Variants in CCDC91 observed in about 807,000 individuals in gnomAD.
CCDC91 encodes the protein coiled-coil domain containing 91, also known as coiled-coil domain-containing protein 91.
In CCDC91, 48 loss-of-function variants were observed where a neutral mutation model predicts 63.2. The ratio of observed to expected loss-of-function variants is 0.76; its 90% CI spans 0.60 to 0.97. CCDC91 has a LOEUF of 0.97. CCDC91 is among the 50% of genes least tolerant of loss of function. The pLI, the probability that CCDC91 is intolerant of heterozygous loss-of-function variation, is 0.00. For synonymous variants in CCDC91, 167 were observed against 165.8 expected (o/e 1.01, Z -0.06); for missense variants, 500 against 494.6 (o/e 1.01, Z -0.10).
intron 10 of CCDC91, among the ~76,000 whole-genome samples, chr12:28,452,028 AT>A (rs1269923599): frequency 7.3e-6 from 1 of 137,792 alleles, no homozygotes; most frequent in Non-Finnish European, 1.6e-5. Context: ...TCCTTTTTTA[AT>A]TTTAGAAAGT....
chr12:28,372,505 A>T lies in CCDC91; in HGVS notation c.654+9990A>T, dbSNP rs919439929. Among the ~76,000 whole-genome samples the T allele has an allele frequency of 2.0e-4, 31 of 151,826 alleles. 1 individual carries two copies. The highest frequency in any genetic ancestry group is 3.5e-4 in the Non-Finnish European group (24 of 67,934). ...GTTTGTGTCATTAATGCTTTTTTTT[A>T]AAATTTTTTAGCAGTGTTTTGTAGT... On this transcript the variant is annotated intron_variant, in intron 7 of 12. Transcript: ENST00000536442.
intron 1 of CCDC91, among the ~76,000 whole-genome samples, chr12:28,192,722 A>G (rs1941366176): frequency 6.6e-6 from 1 of 152,190 alleles, no homozygotes; most frequent in African/African-American, 2.4e-5. Context: ...ATTTAAACTG[A>G]TGCATATTTT....
intron 11 of CCDC91, among the ~76,000 whole-genome samples, chr12:28,464,028 G>A (rs530217535): frequency 6.6e-6 from 1 of 152,062 alleles, no homozygotes; most frequent in African/African-American, 2.4e-5. Flanking sequence ...GTGTCTCTCT[G>A]CCCTGGGGAG....
At chr12:28,419,849 T>C (rs1013894618) in intron 8 of CCDC91, among the ~76,000 whole-genome samples, 7 of 151,962 alleles carry the variant, frequency 4.6e-5, no homozygotes, top group Non-Finnish European at 1.0e-4. Flanking sequence ...CTTAACCTGC[T>C]TGGCTCAAGC....
chr12:28,321,597 T>C (rs1488237255), intron 6 of CCDC91, among the ~76,000 whole-genome samples: 1 of 151,770 alleles, frequency 6.6e-6, no homozygotes, highest in Non-Finnish European at 1.5e-5. Flanking sequence ...ATTAGTACAC[T>C]TATAATAATA....
rs563112449 is a variant in CCDC91 at position 28,342,259 on chromosome 12, T to C, written c.577-20179T>C. ...CTCCAGATAGAAAGGCAGTCCTCCC[T>C]ACCAGCATCTTCATTTTAACCCAGT... On this transcript the variant is annotated intron_variant, in intron 6 of 12. Coordinates refer to ENST00000536442, the MANE Select transcript of CCDC91 (RefSeq NM_018318.5). Among the ~76,000 whole-genome samples, 157 of 152,314 alleles carry C rather than the reference T, an allele frequency of 1.0e-3. 1 individual carries two copies. The highest frequency in any genetic ancestry group is 3.4e-3 in the African/African-American group (142 of 41,578).
chr12:28,427,850 T>G (rs1948411057), intron 8 of CCDC91, among the ~76,000 whole-genome samples: 1 of 152,216 alleles, frequency 6.6e-6, no homozygotes, highest in Non-Finnish European at 1.5e-5. Context: ...TCTAAATATA[T>G]GTTTTCATTA....
intron 3 of CCDC91, among the ~76,000 whole-genome samples, chr12:28,271,264 C>G (rs939498891): frequency 3.3e-5 from 5 of 152,070 alleles, no homozygotes; most frequent in Non-Finnish European, 5.9e-5. Context: ...AATGTAGATA[C>G]ACTGTCAATT....
intron 1 of CCDC91, among the ~76,000 whole-genome samples, chr12:28,203,779 G>A (rs1306403739): frequency 6.6e-6 from 1 of 152,144 alleles, no homozygotes; most frequent in Non-Finnish European, 1.5e-5. Context: ...TAGCCATTAT[G>A]TAATTTTGTT....
intron 12 of CCDC91, among the ~76,000 whole-genome samples, chr12:28,532,991 G>T (rs1413162459): frequency 6.6e-6 from 1 of 152,012 alleles, no homozygotes; most frequent in Admixed American, 6.6e-5. Context: ...AAAACTTACG[G>T]GTTAGTAGCA....
chr12:28,286,576 G>A lies in CCDC91; in HGVS notation c.110-19073G>A, dbSNP rs150218052. ...TTATGGCTGCATAGTATTCCATGGT[G>A]TACATATAACACATTTTTAAAATCC... On this transcript the variant is annotated intron_variant, in intron 3 of 12. Transcript: ENST00000536442. Among the ~76,000 whole-genome samples, 48 of 152,276 alleles carry A rather than the reference G, an allele frequency of 3.2e-4. 1 individual carries two copies. The highest frequency in any genetic ancestry group is 7.2e-5 in the African/African-American group (3 of 41,550).
intron 1 of CCDC91, among the ~76,000 whole-genome samples, chr12:28,222,774 C>T (rs1944031293): frequency 6.6e-6 from 1 of 152,002 alleles, no homozygotes; most frequent in Non-Finnish European, 1.5e-5. Flanking sequence ...GCTTTTCATC[C>T]TTGGCATTAT....
chr12:28,363,361 T>C (rs1944027802), intron 7 of CCDC91, among the ~76,000 whole-genome samples: 1 of 152,214 alleles, frequency 6.6e-6, no homozygotes, highest in Non-Finnish European at 1.5e-5. Flanking sequence ...AAGCTTTTCC[T>C]ATTTTTGTTA....
intron 7 of CCDC91, among the ~76,000 whole-genome samples, chr12:28,363,669 A>G (rs1191941713): frequency 6.6e-6 from 1 of 152,084 alleles, no homozygotes; most frequent in Non-Finnish European, 1.5e-5. Context: ...GGATCACAGG[A>G]GATCGAGACC....
At chr12:28,474,694 CA>C (rs1950991952) in intron 11 of CCDC91, among the ~76,000 whole-genome samples, 1 of 151,576 alleles carries the variant, frequency 6.6e-6, no homozygotes, top group South Asian at 2.1e-4. Flanking sequence ...TCATTCTCCA[CA>C]CTGAAAACTC....
chr12:28,207,359 A>G (rs980214350), intron 1 of CCDC91, among the ~76,000 whole-genome samples: 2 of 151,912 alleles, frequency 1.3e-5, no homozygotes, highest in African/African-American at 4.8e-5. Context: ...CCAAGGTTCA[A>G]GGTTCCAAAG....
chr12:28,376,132 C>A (rs1425646441), intron 7 of CCDC91, among the ~76,000 whole-genome samples: 1 of 151,736 alleles, frequency 6.6e-6, no homozygotes, highest in Non-Finnish European at 1.5e-5. Flanking sequence ...AAAAAAAATT[C>A]TATTAAGTTA....
At chr12:28,347,448 G>A (rs1942887762) in intron 6 of CCDC91, among the ~76,000 whole-genome samples, 1 of 152,186 alleles carries the variant, frequency 6.6e-6, no homozygotes, top group Admixed American at 6.5e-5. Flanking sequence ...TTGCTGCTGT[G>A]TTGGTCTGGA....
At chr12:28,441,189 TGAGA>T (rs958177854) in intron 8 of CCDC91, among the ~76,000 whole-genome samples, 1 of 151,194 alleles carries the variant, frequency 6.6e-6, no homozygotes, top group African/African-American at 2.4e-5. Context: ...AAAACCATAA[TGAGA>T]GAGAGACTTT....
Sources: allele counts gnomAD v4.1 joint callset (sites outside exome capture counted in the v4.1 genomes callset), GRCh38; gene constraint gnomAD v4.1.1; transcripts MANE v1.5; gene names NCBI Gene and HGNC (gene_info 2026-07-23, HGNC 2026-07-21).